PFKP: variants seen among roughly 807,000 people sequenced by gnomAD.
PFKP encodes ATP-dependent 6-phosphofructokinase, platelet type.
In PFKP, 101 loss-of-function variants were observed where a neutral mutation model predicts 94.3. The ratio of observed to expected loss-of-function variants is 1.07; its 90% CI spans 0.91 to 1.26. The LOEUF is 1.26. Among genes scored for constraint, PFKP ranks in the 50% most tolerant of loss-of-function variants. The pLI is 0.00. For synonymous variants in PFKP, 573 were observed against 432.6 expected (o/e 1.32, Z -4.03); for missense variants, 1,145 against 1,103.3 (o/e 1.04, Z -0.53).
rs550355123 is a variant in PFKP, at chr10:3,093,288, C to T, written c.187-5987C>T. On this transcript the variant is annotated intron_variant, in intron 2 of 21. Coordinates refer to ENST00000381125, the MANE Select transcript of PFKP (RefSeq NM_002627.5). Reference sequence around the variant, plus strand: ...TTGAAAGACCAAGCAAGGTTGTCCACATCCCGTTCAGTCACATCTCTTTGA... The same window carrying T: ...TTGAAAGACCAAGCAAGGTTGTCCATATCCCGTTCAGTCACATCTCTTTGA... 3.3e-5 allele frequency among the ~76,000 whole-genome samples: 5 copies of T among 152,246 alleles called. No homozygotes were observed. The East Asian group carries it at 9.6e-4, about 29-fold the overall frequency.
intron 1 of PFKP, among the ~76,000 whole-genome samples, chr10:3,080,465 C>T (rs1257018818): frequency 1.4e-5 from 2 of 139,224 alleles, no homozygotes; most frequent in East Asian, 2.1e-4. Context: ...TGCAGTGAGC[C>T]GAGATTGCAC....
intron 9 of PFKP, 27 bp from the exon 10 acceptor site, chr10:3,109,328 C>T (rs376179119): frequency 5.6e-6 from 9 of 1,606,422 alleles, no homozygotes; most frequent in African/African-American, 4.0e-5. Flanking sequence ...GGAGGCTGCC[C>T]CTGACCCACA....
chr10:3,126,713 A>G (rs1419486333), intron 16 of PFKP, among the ~76,000 whole-genome samples: 1 of 152,264 alleles, frequency 6.6e-6, no homozygotes, highest in African/African-American at 2.4e-5. Flanking sequence ...ATGCTGTAGC[A>G]AACGCCACCT....
In PFKP at chr10:3,116,095, A is replaced by C. The variant is rs571485347; in HGVS notation, c.1372-681A>C. 4.7e-4 allele frequency among the ~76,000 whole-genome samples: 25 copies of C among 53,690 alleles called. No homozygotes were observed. In the East Asian group the frequency reaches 7.8e-3, roughly 17 times the overall value. The allele number at this position is 53,690 out of a possible 152,430, so 35.2% of individuals were successfully genotyped here. A position where few individuals can be genotyped will look rare whatever the true frequency, so the allele number is the denominator to read the frequency against. On this transcript the variant is annotated intron_variant, in intron 13 of 21. Transcript: ENST00000381125. ...AAAATATTGCCTTCAAAACTGATTT[A>C]TGTGGGAAAAAAAAGCCTGATTTAT...
intron 5 of PFKP, 32 bp downstream of exon 5, chr10:3,103,976 A>G (rs1835289940): frequency 6.2e-7 from 1 of 1,605,564 alleles, no homozygotes; most frequent in African/African-American, 1.3e-5. Flanking sequence ...GCGGGAGGCC[A>G]GTGGGGCCCG....
chr10:3,134,356 GT>G (rs1838957503), intron 19 of PFKP, 126 bp from the exon 20 acceptor site: 1 of 662,714 alleles, frequency 1.5e-6, no homozygotes. Context: ...CACAGGTTTT[GT>G]TCTGTTCCAA....
chr10:3,077,889 A>AT (rs1317165649), intron 1 of PFKP, among the ~76,000 whole-genome samples: 10 of 152,204 alleles, frequency 6.6e-5, no homozygotes, highest in Admixed American at 6.5e-4. Context: ...CTCCAACTTT[A>AT]TTTTTGGTTC....
chr10:3,115,444 TGCCGGGG>T (rs879316270), intron 13 of PFKP, among the ~76,000 whole-genome samples: 46,638 of 71,586 alleles, frequency 0.65, 19,097 homozygotes, highest in East Asian at 0.88. Context: ...GGACTGGGGA[TGCCGGGG>T]TGAAGGTGTG....
At chr10:3,110,209 T>A (rs10903968) in intron 10 of PFKP, among the ~76,000 whole-genome samples, 48,645 of 150,296 alleles carry the variant, frequency 0.32, 8,366 homozygotes, top group Non-Finnish European at 0.39. Context: ...TTAATTAATT[T>A]ATTTATTTAG....
chr10:3,071,965 G>A (rs141011945), intron 1 of PFKP, among the ~76,000 whole-genome samples: 2 of 152,322 alleles, frequency 1.3e-5, no homozygotes, highest in Non-Finnish European at 2.9e-5. Context: ...GTGGGGCCGG[G>A]CCCTGTGGCT....
intron 15 of PFKP, among the ~76,000 whole-genome samples, 171 bp downstream of exon 15, chr10:3,119,040 C>T (rs956627868): frequency 6.6e-6 from 1 of 152,136 alleles, no homozygotes; most frequent in African/African-American, 2.4e-5. Context: ...TAAGACGTGG[C>T]CTACGAGTGG....
At chr10:3,116,749 C>T (rs777066096) in intron 13 of PFKP, 27 bp from the exon 14 acceptor site, 6 of 1,576,994 alleles carry the variant, frequency 3.8e-6, no homozygotes, top group Middle Eastern at 1.7e-4. Flanking sequence ...TTCACTTTAG[C>T]TGTTTCGTTC....
intron 3 of PFKP, among the ~76,000 whole-genome samples, chr10:3,100,696 A>G (rs1223245047): frequency 2.6e-5 from 4 of 152,008 alleles, no homozygotes; most frequent in Non-Finnish European, 5.9e-5. Context: ...TGGTGCATTC[A>G]TGGTTTTATT....
intron 3 of PFKP, chr10:3,101,109 G>T: frequency 1.1e-6 from 1 of 922,446 alleles, no homozygotes; most frequent in Non-Finnish European, 1.7e-6. Flanking sequence ...GTATTTAACT[G>T]CTGGCTGCCG....
intron 4 of PFKP, 148 bp downstream of exon 4, chr10:3,101,702 AAAC>A (rs1285066778): frequency 1.7e-6 from 1 of 574,574 alleles, no homozygotes; most frequent in East Asian, 3.2e-5. Flanking sequence ...GGATCTCAAA[AAAC>A]AACAGCAATG....
In PFKP at chr10:3,136,576, C is replaced by G. The variant is rs925755212; in HGVS notation, c.2352C>G (p.Val784=). Residue 784 remains valine, a synonymous_variant, in exon 22 of 22, where the codon GTC becomes GTG. Transcript: ENST00000381125. ...TGGAACATGTGCAGCCCTGGAGTGT[C>G]TGACCCAGTCCCGCCTGCATGTGCC... The part of the protein sequence containing the change: ...GQLEHVQPWS[V] The G allele has an allele frequency of 6.2e-7, 1 of 1,613,046 alleles. No individual in the cohort carries two copies. The highest frequency in any genetic ancestry group is 2.2e-5 in the East Asian group (1 of 44,860).
At position 3,118,871 on chromosome 10, in the gene PFKP, T is replaced by C. The variant is rs773341523; in HGVS notation, c.1530+2T>C. On this transcript the variant is annotated splice_donor_variant, in intron 15 of 21. Coordinates refer to ENST00000381125, the MANE Select transcript of PFKP (RefSeq NM_002627.5). LOFTEE classifies it high-confidence loss of function. ...CTGCTGATCATCGGTGGATTCGAGGTACGTTACCGTTTCTCTCTTGCCGGT... is the reference window on the plus strand; with the variant it reads ...CTGCTGATCATCGGTGGATTCGAGGCACGTTACCGTTTCTCTCTTGCCGGT... 3 of 1,609,744 alleles carry C rather than the reference T, an allele frequency of 1.9e-6. No individual in the cohort carries two copies. In the East Asian group the frequency reaches 6.7e-5, roughly 36 times the overall value.
In PFKP at chr10:3,121,791, TTC is replaced by T. The variant is rs1216740083; in HGVS notation, c.1683+1749_1683+1750del. Among the ~76,000 whole-genome samples, 104 of 48,438 alleles carry T rather than the reference TTC, an allele frequency of 2.1e-3. 1 individual carries two copies. Among genetic ancestry groups the T allele is most frequent in the Middle Eastern group, 8.1e-3 (1 of 124 alleles). 31.8% of individuals were successfully genotyped at this position (48,438 alleles called of 152,430 possible). ...GTTTCTCGAAGCTAGGTTAAACAAT[TTC>T]TTTTTTTTTCTTTTTTTTTTTTTTT... On this transcript the variant is annotated intron_variant, in intron 16 of 21. Transcript: ENST00000381125.
chr10:3,115,632 C>T (rs865939084), intron 13 of PFKP, among the ~76,000 whole-genome samples: 6 of 150,884 alleles, frequency 4.0e-5, no homozygotes, highest in Non-Finnish European at 5.9e-5. Flanking sequence ...TGCAGTAAGC[C>T]GCTGTGTCCC....
Sources: allele counts gnomAD v4.1 joint callset (sites outside exome capture counted in the v4.1 genomes callset), GRCh38; gene constraint gnomAD v4.1.1; transcripts MANE v1.5; gene names NCBI Gene and HGNC (gene_info 2026-07-23, HGNC 2026-07-21).